Variants in DNTT observed in about 807,000 individuals in gnomAD.
The protein encoded by DNTT is nucleosidetriphosphate:DNA deoxynucleotidylexotransferase.
DNTT carries 47 observed loss-of-function variants against 60.9 expected under a neutral mutation model. The observed-to-expected ratio is 0.77, with a 90% CI of 0.61 to 0.98. DNTT has a LOEUF of 0.98. DNTT is among the 50% of genes least tolerant of loss of function. DNTT has a pLI of 0.00. For missense variants in DNTT, 665 were observed against 627.5 expected (o/e 1.06, Z -0.64); for synonymous variants, 224 against 221.2 (o/e 1.01, Z -0.11).
chr10:96,304,746 G>C (rs1369035665), intron 1 of DNTT, 46 bp downstream of exon 1: 2 of 1,585,002 alleles, frequency 1.3e-6, no homozygotes, highest in Non-Finnish European at 8.6e-7. Context: ...GAGGCTTTGT[G>C]AACAGCTTCT....
intron 8 of DNTT, among the ~76,000 whole-genome samples, chr10:96,329,854 C>A (rs144446143): frequency 2.6e-5 from 4 of 152,244 alleles, no homozygotes; most frequent in African/African-American, 7.2e-5. Context: ...TTGGACGGAG[C>A]CTTCCTGTGG....
At chr10:96,305,387 A>C (rs1844621619) in intron 1 of DNTT, among the ~76,000 whole-genome samples, 1 of 152,180 alleles carries the variant, frequency 6.6e-6, no homozygotes, top group African/African-American at 2.4e-5. Context: ...TTCACTCACT[A>C]ATCCACTCAC....
At position 96,305,128 on chromosome 10, in the gene DNTT, G is replaced by A. The variant is rs540038294; in HGVS notation, c.203+428G>A. Among the ~76,000 whole-genome samples the A allele has an allele frequency of 7.9e-5, 12 of 152,296 alleles. No homozygotes were observed. In the South Asian group the frequency reaches 1.5e-3, roughly 18 times the overall value. Reference sequence around the variant, plus strand: ...TTGGTTCTTACCTATACATCTGGGCGTGCTAAGGCAGCTAGCATCTGTGGT... The same window carrying A: ...TTGGTTCTTACCTATACATCTGGGCATGCTAAGGCAGCTAGCATCTGTGGT... On this transcript the variant is annotated intron_variant, in intron 1 of 10. Transcript: ENST00000371174.
intron 5 of DNTT, among the ~76,000 whole-genome samples, chr10:96,322,972 G>A (rs1164548866): frequency 1.3e-5 from 2 of 152,186 alleles, no homozygotes; most frequent in Non-Finnish European, 2.9e-5. Flanking sequence ...CATGGTGAGA[G>A]AGAGACAGAG....
chr10:96,326,569 A>G (rs1283180169), intron 6 of DNTT, among the ~76,000 whole-genome samples: 3 of 152,168 alleles, frequency 2.0e-5, no homozygotes, highest in African/African-American at 7.2e-5. Flanking sequence ...GGACCAATAG[A>G]TTTACTCTTG....
intron 8 of DNTT, among the ~76,000 whole-genome samples, chr10:96,330,316 C>CTTTTT (rs34863236): frequency 1.4e-5 from 2 of 140,436 alleles, no homozygotes; most frequent in Non-Finnish European, 3.1e-5. Context: ...GCTTTGTGGG[C>CTTTTT]TTTTTTTTTT....
intron 1 of DNTT, among the ~76,000 whole-genome samples, chr10:96,311,682 C>A (rs1373088223): frequency 6.6e-6 from 1 of 152,216 alleles, no homozygotes; most frequent in African/African-American, 2.4e-5. Flanking sequence ...CTTGCTCTAT[C>A]ACCCAGGCTG....
chr10:96,322,010 C>T (rs1844886214), intron 4 of DNTT, among the ~76,000 whole-genome samples: 1 of 152,118 alleles, frequency 6.6e-6, no homozygotes, highest in Admixed American at 6.6e-5. Flanking sequence ...CTCAGTTCCA[C>T]CTGGGGGCGC....
At chr10:96,306,476 G>C (rs1370657725) in intron 1 of DNTT, 4 of 152,232 alleles carry the variant, frequency 2.6e-5, no homozygotes, top group African/African-American at 9.7e-5. Flanking sequence ...ACAAGGGTTA[G>C]GCAGGAAGGA....
intron 5 of DNTT, 120 bp downstream of exon 5, chr10:96,322,848 A>G (rs1018161890): frequency 2.0e-5 from 14 of 689,400 alleles, no homozygotes; most frequent in Non-Finnish European, 3.0e-5. Context: ...GGCGTGGCTT[A>G]AACAACAGAA....
chr10:96,324,243 G>A (rs201218897), intron 5 of DNTT, 23 bp from the exon 6 acceptor site: 4 of 1,607,324 alleles, frequency 2.5e-6, no homozygotes, highest in Admixed American at 1.7e-5. Context: ...GAGACTGATG[G>A]CATGCCTTTC....
chr10:96,320,824 A>G (rs756199191), intron 4 of DNTT, 36 bp downstream of exon 4: 7 of 1,609,054 alleles, frequency 4.4e-6, no homozygotes, highest in Non-Finnish European at 6.0e-6. Flanking sequence ...ACTTCCCAAT[A>G]GGTAGGTGGG....
At position 96,328,722 on chromosome 10, in the gene DNTT, T is replaced by G. The variant is rs765871139; in HGVS notation, c.1008-3T>G. 1 of 1,609,070 alleles carries G rather than the reference T, an allele frequency of 6.2e-7. No individual in the cohort carries two copies. Among genetic ancestry groups the G allele is most frequent in the East Asian group, 2.2e-5 (1 of 44,810 alleles). On this transcript the variant is annotated splice_region_variant and splice_polypyrimidine_tract_variant and intron_variant, in intron 7 of 10. Transcript: ENST00000371174. ...TCCATTTTATACTGCTTTTGAAAAT[T>G]AGGGGTAAGAAGATGGGGCATGATG...
rs533516556 is a variant in DNTT, at chr10:96,307,343, G to GTT, written c.203+2673_203+2674dup. 2.2e-4 allele frequency among the ~76,000 whole-genome samples: 15 copies of GTT among 67,590 alleles called. No homozygotes were observed. In the East Asian group the frequency reaches 2.7e-3, roughly 12 times the overall value. 44.3% of individuals were successfully genotyped at this position (67,590 alleles called of 152,430 possible). A position where few individuals can be genotyped will look rare whatever the true frequency, so the allele number is the denominator to read the frequency against. On this transcript the variant is annotated intron_variant, in intron 1 of 10. Transcript: ENST00000371174. ...CTGTTTTTATTTTCTGGGTTTTCCA[G>GTT]TTTTTTTTTTTTTTTTTTTTTTTTT...
intron 9 of DNTT, 151 bp downstream of exon 9, chr10:96,332,747 C>A: frequency 8.9e-7 from 1 of 1,126,238 alleles, no homozygotes; most frequent in Non-Finnish European, 1.3e-6. Context: ...GGCATCCTGT[C>A]CACACATGGC....
chr10:96,332,369 G>C lies in DNTT; in HGVS notation c.1132G>C (p.Asp378His), dbSNP rs201697901. Residue 378 changes from aspartate to histidine, a missense_variant, in exon 9 of 11, where the codon GAC (aspartate) becomes CAC (histidine). Physicochemically the swap from Asp to His is moderately conservative, Grantham distance 81. Coordinates refer to ENST00000371174, the MANE Select transcript of DNTT (RefSeq NM_004088.4). ...WEKKGLLLYY[D>H]LVESTFEKLR... ...TTTTCAGGGATTACTTTTATATTAT[G>C]ACCTTGTGGAGTCAACATTTGAAAA... 13 of 1,614,018 alleles carry C rather than the reference G, an allele frequency of 8.1e-6. No homozygotes were observed. In the Admixed American group the frequency reaches 1.3e-4, roughly 17 times the overall value.
chr10:96,310,073 C>T (rs1158331925), intron 1 of DNTT, among the ~76,000 whole-genome samples: 1 of 152,172 alleles, frequency 6.6e-6, no homozygotes, highest in Non-Finnish European at 1.5e-5. Flanking sequence ...TTTGCTTCTC[C>T]TCCAGGAAAG....
chr10:96,319,302 C>G lies in DNTT; in HGVS notation c.419C>G (p.Pro140Arg), dbSNP rs147054012. ...DYSDSTNPGP[P>R]KTPPIAVQKI... is the part of the protein sequence containing the mutation. ...TCAGATAGCACCAACCCAGGCCCCC[C>G]GAAGACTCCACCAATTGCTGTACAA... Residue 140 changes from proline to arginine, a missense_variant, in exon 3 of 11, where the codon CCG becomes CGG. Pro to Arg is a moderately radical substitution (Grantham distance 103, BLOSUM62 -2). Coordinates refer to ENST00000371174, the MANE Select transcript of DNTT (RefSeq NM_004088.4). 14 of 1,613,684 alleles carry G rather than the reference C, an allele frequency of 8.7e-6. No individual in the cohort carries two copies. Among genetic ancestry groups the G allele is most frequent in the African/African-American group, 1.3e-5 (1 of 74,876 alleles).
intron 1 of DNTT, among the ~76,000 whole-genome samples, chr10:96,305,551 T>C (rs1366509201): frequency 1.3e-5 from 2 of 152,240 alleles, no homozygotes; most frequent in African/African-American, 4.8e-5. Context: ...TTAAGGGGCT[T>C]GCAATGAAGG....
Sources: allele counts gnomAD v4.1 joint callset (sites outside exome capture counted in the v4.1 genomes callset), GRCh38; gene constraint gnomAD v4.1.1; transcripts MANE v1.5; gene names NCBI Gene and HGNC (gene_info 2026-07-23, HGNC 2026-07-21).